Variants in LIPC observed in about 807,000 individuals in gnomAD.
LIPC encodes hepatic triacylglycerol lipase.
A neutral mutation model predicts 50.7 loss-of-function variants in LIPC; 44 were observed. That is an observed-to-expected ratio of 0.87 (90% CI 0.68 to 1.11). LIPC has a LOEUF of 1.11. LIPC is among the 50% of genes most tolerant of loss of function. The pLI, the probability that LIPC is intolerant of heterozygous loss-of-function variation, is 0.00. For synonymous variants in LIPC, 271 were observed against 256.4 expected, an observed-to-expected ratio of 1.06 and a Z score of -0.54; for missense variants, 697 against 648.2, an observed-to-expected ratio of 1.08 and a Z score of -0.82.
chr15:58,560,314 T>C (rs142451556), intron 6 of LIPC, among the ~76,000 whole-genome samples: 194 of 152,298 alleles, frequency 1.3e-3, no homozygotes, highest in African/African-American at 4.5e-3. Flanking sequence ...CATTAGGAAA[T>C]ACACTTATTG....
intron 8 of LIPC, among the ~76,000 whole-genome samples, chr15:58,566,853 G>A (rs923899419): frequency 1.3e-5 from 2 of 152,072 alleles, no homozygotes; most frequent in South Asian, 2.1e-4. Flanking sequence ...ATTCAAAAAC[G>A]GACAACACCC....
intron 1 of LIPC, among the ~76,000 whole-genome samples, chr15:58,446,875 G>A (rs1234747239): frequency 6.6e-6 from 1 of 152,082 alleles, no homozygotes; most frequent in Admixed American, 6.5e-5. Flanking sequence ...GGCCAGGCGA[G>A]GTGGCTTATG....
intron 6 of LIPC, among the ~76,000 whole-genome samples, chr15:58,555,291 C>G (rs1346186800): frequency 6.6e-6 from 1 of 152,052 alleles, no homozygotes; most frequent in Non-Finnish European, 1.5e-5. Context: ...AGGGGCCAGA[C>G]GTTTAGGGGA....
intron 1 of LIPC, among the ~76,000 whole-genome samples, chr15:58,449,119 G>C (rs966725403): frequency 6.6e-6 from 1 of 152,164 alleles, no homozygotes; most frequent in Non-Finnish European, 1.5e-5. Context: ...AGTCATGCTG[G>C]GGAGGCTCCA....
At chr15:58,445,734 A>G (rs1893672261) in intron 1 of LIPC, among the ~76,000 whole-genome samples, 1 of 152,174 alleles carries the variant, frequency 6.6e-6, no homozygotes, top group Non-Finnish European at 1.5e-5. Context: ...AAATCACTCA[A>G]GGCCTGCAGA....
intron 1 of LIPC, among the ~76,000 whole-genome samples, chr15:58,516,640 A>C (rs1173427256): frequency 2.6e-5 from 4 of 152,110 alleles, no homozygotes; most frequent in Non-Finnish European, 4.4e-5. Context: ...TTCATATCTC[A>C]GACATTGATT....
chr15:58,565,521 C>T lies in LIPC; in HGVS notation c.1388+1798C>T, dbSNP rs117137230. 2,919 of 1,333,196 alleles carry T rather than the reference C, an allele frequency of 2.2e-3. 2 individuals carry two copies. The highest frequency in any genetic ancestry group is 2.6e-3 in the Non-Finnish European group (2,706 of 1,039,102). The allele number at this position is 1,333,196 out of a possible 1,614,324, so 82.6% of individuals were successfully genotyped here. On this transcript the variant is annotated intron_variant, in intron 8 of 8. Coordinates refer to ENST00000299022, the MANE Select transcript of LIPC (RefSeq NM_000236.3). ...AGCAGGTGCTCCATGGCATTGGTCT[C>T]ACGTGATCTTTGCTGTGATCCTGAA...
Position 58,568,973 on chromosome 15 carries a change from A to C in LIPC, c.*146A>C, listed in dbSNP as rs1894474814. 1.8e-6 allele frequency: 1 copy of C among 553,252 alleles called. No homozygotes were observed. Among genetic ancestry groups the C allele is most frequent in the Non-Finnish European group, 3.2e-6 (1 of 316,016 alleles). The allele number at this position is 553,252 out of a possible 1,614,324, so 34.3% of individuals were successfully genotyped here. ...TTTAAGGGGGGTATGTTTCACTCTC[A>C]TAAACTGAGCTTTTAAAAACGATAT... On this transcript the variant is annotated 3_prime_UTR_variant, in exon 9 of 9. Coordinates refer to ENST00000299022, the MANE Select transcript of LIPC (RefSeq NM_000236.3).
intron 1 of LIPC, among the ~76,000 whole-genome samples, chr15:58,445,590 G>A (rs977411983): frequency 3.9e-5 from 6 of 152,250 alleles, no homozygotes; most frequent in African/African-American, 1.4e-4. Context: ...GCATAAACAG[G>A]GGCTCCTGGC....
intron 7 of LIPC, among the ~76,000 whole-genome samples, chr15:58,563,002 T>G (rs1265529473): frequency 6.6e-6 from 1 of 152,266 alleles, no homozygotes; most frequent in Non-Finnish European, 1.5e-5. Context: ...CATTTAAATC[T>G]TGCTCTAAAT....
chr15:58,454,846 T>C (rs1046977881), intron 1 of LIPC: 10 of 152,250 alleles, frequency 6.6e-5, no homozygotes, highest in South Asian at 2.1e-4. Context: ...ACAAAGCCAA[T>C]TGCTAAATTT....
intron 1 of LIPC, among the ~76,000 whole-genome samples, chr15:58,485,171 T>A (rs1277984360): frequency 2.0e-5 from 3 of 152,022 alleles, no homozygotes; most frequent in African/African-American, 7.2e-5. Context: ...GTAGAATGCA[T>A]TGGAAGAGGA....
At chr15:58,560,512 T>G (rs1894123533) in intron 6 of LIPC, among the ~76,000 whole-genome samples, 1 of 152,222 alleles carries the variant, frequency 6.6e-6, no homozygotes, top group Admixed American at 6.5e-5. Context: ...TTCTTTGATT[T>G]ACGAAAGGAG....
chr15:58,437,292 C>T (rs1300714471), intron 1 of LIPC, among the ~76,000 whole-genome samples: 1 of 151,898 alleles, frequency 6.6e-6, no homozygotes, highest in African/African-American at 2.4e-5. Flanking sequence ...AGCAAATTAT[C>T]AAAGGGACCT....
At chr15:58,463,974 C>T (rs10518978) in intron 1 of LIPC, among the ~76,000 whole-genome samples, 21,335 of 152,046 alleles carry the variant, frequency 0.14, 1,511 homozygotes, top group Non-Finnish European at 0.17. Context: ...TCCACAATGA[C>T]AGGTTTCAAA....
intron 1 of LIPC, among the ~76,000 whole-genome samples, chr15:58,466,889 A>C (rs911132119): frequency 1.3e-5 from 2 of 152,186 alleles, no homozygotes; most frequent in African/African-American, 4.8e-5. Context: ...CTTCATCCAG[A>C]AAATTATCCC....
intron 1 of LIPC, among the ~76,000 whole-genome samples, chr15:58,509,122 G>T (rs1315492833): frequency 1.3e-5 from 2 of 152,174 alleles, no homozygotes; most frequent in African/African-American, 4.8e-5. Context: ...ATCCTCTCTT[G>T]TTATTGTACC....
intron 1 of LIPC, among the ~76,000 whole-genome samples, chr15:58,444,959 T>C (rs1179121504): frequency 4.6e-5 from 7 of 152,208 alleles, no homozygotes; most frequent in Admixed American, 3.3e-4. Context: ...AAAAAAGGCT[T>C]ACAAATACAC....
At chr15:58,547,608 A>G (rs1361923226) in intron 5 of LIPC, among the ~76,000 whole-genome samples, 2 of 150,984 alleles carry the variant, frequency 1.3e-5, no homozygotes, top group African/African-American at 2.4e-5. Context: ...TATTTACCAC[A>G]GATTAGGTTA....
Sources: allele counts gnomAD v4.1 joint callset (sites outside exome capture counted in the v4.1 genomes callset), GRCh38; gene constraint gnomAD v4.1.1; transcripts MANE v1.5; gene names NCBI Gene and HGNC (gene_info 2026-07-23, HGNC 2026-07-21).